Variants in LPXN observed in about 807,000 individuals in gnomAD.
LPXN encodes leupaxin.
A neutral mutation model predicts 45.6 loss-of-function variants in LPXN; 28 were observed. The observed-to-expected ratio is 0.61, with a 90% CI of 0.45 to 0.84. LPXN has a LOEUF of 0.84. LPXN is among the 40% of genes least tolerant of loss of function. The pLI is 0.00. For missense variants in LPXN, 459 were observed against 475.0 expected (o/e 0.97, Z 0.31); for synonymous variants, 166 against 169.9 (o/e 0.98, Z 0.18).
At chr11:58,538,486 C>A (rs1483140193) in intron 7 of LPXN, among the ~76,000 whole-genome samples, 1 of 152,042 alleles carries the variant, frequency 6.6e-6, no homozygotes, top group African/African-American at 2.4e-5. Context: ...GAGATGGTAT[C>A]TCATTGTGGT....
chr11:58,550,918 A>G (rs1854028891), intron 5 of LPXN, 147 bp downstream of exon 5: 2 of 626,576 alleles, frequency 3.2e-6, no homozygotes, highest in South Asian at 3.5e-5. Flanking sequence ...CTTGTAAAGC[A>G]CTTAGCTCAG....
chr11:58,578,018 C>G (rs1854959192), upstream of LPXN: 1 of 1,550,934 alleles, frequency 6.4e-7, no homozygotes, highest in Non-Finnish European at 8.7e-7. Context: ...GACTCACACA[C>G]CGGAAGACGA....
intron 7 of LPXN, among the ~76,000 whole-genome samples, chr11:58,535,369 A>G (rs980943959): frequency 9.9e-5 from 15 of 152,222 alleles, no homozygotes; most frequent in Non-Finnish European, 1.5e-5. Flanking sequence ...GGTTCAACAT[A>G]CACAAATCAA....
chr11:58,541,740 C>T (rs1214770749), intron 7 of LPXN, among the ~76,000 whole-genome samples: 3 of 150,860 alleles, frequency 2.0e-5, no homozygotes, highest in Admixed American at 1.3e-4. Context: ...CACATGCACA[C>T]GTATGTTTAT....
chr11:58,537,421 A>G (rs1185181890), intron 7 of LPXN, among the ~76,000 whole-genome samples: 1 of 152,144 alleles, frequency 6.6e-6, no homozygotes, highest in Non-Finnish European at 1.5e-5. Context: ...ACAGAAAACC[A>G]AACACCGCAT....
intron 2 of LPXN, among the ~76,000 whole-genome samples, chr11:58,564,811 A>G (rs1484757044): frequency 6.6e-6 from 1 of 152,220 alleles, no homozygotes; most frequent in Non-Finnish European, 1.5e-5. Context: ...GGAAGTGGGG[A>G]GAGACAGCAA....
chr11:58,573,438 C>T lies in LPXN; in HGVS notation c.13+2322G>A, dbSNP rs1039261764. On this transcript the variant is annotated intron_variant, in intron 1 of 8. Coordinates refer to ENST00000395074, the MANE Select transcript of LPXN (RefSeq NM_004811.3). ...TTCTATTTTCTAAGCTTTGCTCTAA[C>T]TAGAAGCCAAAGATCCTCCTGAGCT... Among the ~76,000 whole-genome samples, 7 of 152,208 alleles carry T rather than the reference C, an allele frequency of 4.6e-5. No homozygotes were observed. The South Asian group carries it at 6.2e-4, about 14-fold the overall frequency.
intron 3 of LPXN, among the ~76,000 whole-genome samples, chr11:58,560,547 T>A (rs1005020909): frequency 1.3e-5 from 2 of 152,212 alleles, no homozygotes; most frequent in African/African-American, 4.8e-5. Context: ...TTCCTACTCT[T>A]ATGCAAACAT....
intron 7 of LPXN, among the ~76,000 whole-genome samples, chr11:58,542,769 G>A (rs2120268821): frequency 6.6e-6 from 1 of 152,028 alleles, no homozygotes; most frequent in Non-Finnish European, 1.5e-5. Flanking sequence ...AAATGCTTAA[G>A]TATAAAAAAA....
At chr11:58,534,556 CCA>C (rs1329843052) in intron 7 of LPXN, among the ~76,000 whole-genome samples, 4 of 151,948 alleles carry the variant, frequency 2.6e-5, no homozygotes, top group African/African-American at 9.7e-5. Flanking sequence ...CACTAAATGC[CCA>C]CAAGAGAAAG....
chr11:58,545,739 CA>C (rs1853858144), intron 7 of LPXN, among the ~76,000 whole-genome samples: 1 of 152,084 alleles, frequency 6.6e-6, no homozygotes, highest in African/African-American at 2.4e-5. Flanking sequence ...AGTCAAAAGG[CA>C]GTTGTGATGT....
At chr11:58,530,114 T>C (rs1247260518) in intron 7 of LPXN, among the ~76,000 whole-genome samples, 3 of 152,188 alleles carry the variant, frequency 2.0e-5, no homozygotes, top group African/African-American at 4.8e-5. Context: ...GGCGGCTGTA[T>C]GGGCAAACAC....
At chr11:58,560,132 T>G (rs530939385) in intron 3 of LPXN, among the ~76,000 whole-genome samples, 74 of 152,196 alleles carry the variant, frequency 4.9e-4, no homozygotes, top group Non-Finnish European at 1.0e-3. Flanking sequence ...AAGTTATATT[T>G]TTAAAACAAA....
chr11:58,542,185 TATA>T (rs947772670), intron 7 of LPXN, among the ~76,000 whole-genome samples: 6 of 151,526 alleles, frequency 4.0e-5, no homozygotes, highest in Admixed American at 2.0e-4. Flanking sequence ...AAACTTAAAG[TATA>T]ATAATAATAA....
chr11:58,567,768 C>T (rs1037915926), intron 2 of LPXN, among the ~76,000 whole-genome samples: 25 of 152,130 alleles, frequency 1.6e-4, no homozygotes, highest in African/African-American at 5.3e-4. Flanking sequence ...ATTTTCTGCA[C>T]GTTGCATATT....
At position 58,527,118 on chromosome 11, in the gene LPXN, A is replaced by G. The variant is rs74773323; in HGVS notation, c.*336T>C. On this transcript the variant is annotated 3_prime_UTR_variant, in exon 9 of 9. Coordinates refer to ENST00000395074, the MANE Select transcript of LPXN (RefSeq NM_004811.3). ...AGTAGGGCCATCACTAGAGGTGAAAATGGAGAAACCTAAGAAAACCAGTGT... is the reference window on the plus strand; with the variant it reads ...AGTAGGGCCATCACTAGAGGTGAAAGTGGAGAAACCTAAGAAAACCAGTGT... The G allele has an allele frequency of 3.5e-3, 789 of 227,900 alleles. 10 individuals carry two copies. The highest frequency in any genetic ancestry group is 0.016 in the African/African-American group (709 of 44,714). 14.1% of individuals were successfully genotyped at this position (227,900 alleles called of 1,614,324 possible).
intron 2 of LPXN, among the ~76,000 whole-genome samples, chr11:58,566,662 CCTT>C (rs1192621417): frequency 2.0e-5 from 3 of 152,170 alleles, no homozygotes; most frequent in Non-Finnish European, 4.4e-5. Flanking sequence ...TTGTTCAACT[CCTT>C]CTTCGCTTTT....
chr11:58,542,161 G>T (rs1327626457), intron 7 of LPXN, among the ~76,000 whole-genome samples: 1 of 151,600 alleles, frequency 6.6e-6, no homozygotes, highest in Non-Finnish European at 1.5e-5. Context: ...TGCACATTGT[G>T]CACATGTACC....
chr11:58,545,127 T>C (rs1853840677), intron 7 of LPXN, among the ~76,000 whole-genome samples: 1 of 152,164 alleles, frequency 6.6e-6, no homozygotes, highest in African/African-American at 2.4e-5. Context: ...GATCAATAAA[T>C]GTCACTTTTT....
Sources: gnomAD v4.1 joint callset for allele counts (sites outside exome capture counted in the v4.1 genomes callset) on GRCh38, gnomAD v4.1.1 for gene constraint, MANE v1.5 for transcripts, NCBI Gene and HGNC (gene_info 2026-07-23, HGNC 2026-07-21) for gene names.